CYP7B1: variants seen among roughly 807,000 people sequenced by gnomAD.
CYP7B1 encodes the protein cytochrome P450 7B1.
Under a neutral mutation model 42.7 loss-of-function variants are expected in CYP7B1, and 29 were observed. The ratio of observed to expected loss-of-function variants is 0.68; its 90% CI spans 0.51 to 0.93. The LOEUF (loss-of-function observed/expected upper bound fraction) is 0.93, where lower values mean the gene tolerates loss of function less well. Ranked by LOEUF, CYP7B1 falls within the 40% of genes least tolerant of loss-of-function variation. The pLI, the probability that CYP7B1 is intolerant of heterozygous loss-of-function variation, is 0.00. For synonymous variants in CYP7B1, 235 were observed against 218.2 expected (o/e 1.08, Z -0.68); for missense variants, 655 against 600.5 (o/e 1.09, Z -0.95).
chr8:64,592,949 G>T lies in CYP7B1; in HGVS notation c.*3693C>A, dbSNP rs1490821264. 6.6e-6 allele frequency among the ~76,000 whole-genome samples: 1 copy of T among 152,040 alleles called. No individual in the cohort carries two copies. Among genetic ancestry groups the T allele is most frequent in the Non-Finnish European group, 1.5e-5 (1 of 67,986 alleles). ...ACTGTCACAAGATTCTCAATGTTTTGTTTTGGTTCTACTATTCATTCCTTT... is the reference window on the plus strand; with the variant it reads ...ACTGTCACAAGATTCTCAATGTTTTTTTTTGGTTCTACTATTCATTCCTTT... On this transcript the variant is annotated 3_prime_UTR_variant, in exon 6 of 6. Transcript: ENST00000310193.
intron 1 of CYP7B1, among the ~76,000 whole-genome samples, chr8:64,707,312 T>C (rs1229393529): frequency 1.3e-5 from 2 of 152,112 alleles, no homozygotes; most frequent in Non-Finnish European, 2.9e-5. Flanking sequence ...CCATATCCCC[T>C]GATAAGTGGC....
At chr8:64,609,197 CTTG>C (rs980717791) in intron 4 of CYP7B1, among the ~76,000 whole-genome samples, 2 of 152,250 alleles carry the variant, frequency 1.3e-5, no homozygotes, top group East Asian at 1.9e-4. Context: ...TGGTGTACAA[CTTG>C]TTGTTTGGAA....
At chr8:64,663,614 C>T (rs1046707084) in intron 1 of CYP7B1, among the ~76,000 whole-genome samples, 1 of 152,176 alleles carries the variant, frequency 6.6e-6, no homozygotes, top group African/African-American at 2.4e-5. Flanking sequence ...TACAAGGAAA[C>T]CTTTGCTAGG....
At chr8:64,638,210 T>G (rs1805802370) in intron 1 of CYP7B1, among the ~76,000 whole-genome samples, 1 of 152,166 alleles carries the variant, frequency 6.6e-6, no homozygotes, top group South Asian at 2.1e-4. Flanking sequence ...TTTCTCTTTT[T>G]CATGATGGCG....
At chr8:64,613,704 T>A (rs1343127394) in intron 4 of CYP7B1, among the ~76,000 whole-genome samples, 3 of 152,172 alleles carry the variant, frequency 2.0e-5, no homozygotes, top group South Asian at 2.1e-4. Flanking sequence ...GAGATTTTTT[T>A]AAAAGAAAAT....
intron 1 of CYP7B1, among the ~76,000 whole-genome samples, chr8:64,757,892 C>T (rs578129406): frequency 6.6e-6 from 1 of 152,306 alleles, no homozygotes; most frequent in East Asian, 1.9e-4. Context: ...CTTTGATCCT[C>T]CCATGGGGAC....
At chr8:64,703,607 A>G (rs892601850) in intron 1 of CYP7B1, among the ~76,000 whole-genome samples, 1 of 152,052 alleles carries the variant, frequency 6.6e-6, no homozygotes, top group Non-Finnish European at 1.5e-5. Context: ...ACTACATAAT[A>G]GAAACAGCTG....
At chr8:64,705,568 T>C (rs184611348) in intron 1 of CYP7B1, among the ~76,000 whole-genome samples, 1 of 143,206 alleles carries the variant, frequency 7.0e-6, no homozygotes, top group Admixed American at 6.8e-5. Flanking sequence ...CTTTATCATG[T>C]CCTTTGGTTT....
intron 1 of CYP7B1, among the ~76,000 whole-genome samples, chr8:64,775,234 T>G (rs1009484113): frequency 2.6e-5 from 4 of 152,180 alleles, no homozygotes; most frequent in African/African-American, 4.8e-5. Context: ...GAACTCACTC[T>G]AGGATTCAGC....
chr8:64,600,768 G>A (rs1805190421), intron 5 of CYP7B1, among the ~76,000 whole-genome samples: 1 of 152,128 alleles, frequency 6.6e-6, no homozygotes, highest in Admixed American at 6.5e-5. Context: ...TCAGGGCTCA[G>A]AGCCCTGGTT....
At chr8:64,784,805 G>A (rs968753495) in intron 1 of CYP7B1, among the ~76,000 whole-genome samples, 12 of 151,782 alleles carry the variant, frequency 7.9e-5, no homozygotes, top group African/African-American at 2.7e-4. Context: ...AACACTTTAC[G>A]AAAAAAAGTT....
At chr8:64,604,983 A>G in intron 4 of CYP7B1, 126 bp from the exon 5 acceptor site, 6 of 1,124,848 alleles carry the variant, frequency 5.3e-6, no homozygotes, top group Non-Finnish European at 7.7e-6. Flanking sequence ...CATCACATAC[A>G]TTGAGCACCA....
chr8:64,639,580 T>C (rs1805823763), intron 1 of CYP7B1, among the ~76,000 whole-genome samples: 1 of 152,060 alleles, frequency 6.6e-6, no homozygotes, highest in East Asian at 1.9e-4. Flanking sequence ...CCCACCACAG[T>C]GGCTAAAATA....
chr8:64,598,727 T>C (rs897894743), intron 5 of CYP7B1, among the ~76,000 whole-genome samples: 1 of 152,138 alleles, frequency 6.6e-6, no homozygotes, highest in Non-Finnish European at 1.5e-5. Context: ...TCAGCTAGTG[T>C]TTATATTCAG....
At chr8:64,717,788 G>A (rs374603032) in intron 1 of CYP7B1, among the ~76,000 whole-genome samples, 2 of 151,810 alleles carry the variant, frequency 1.3e-5, no homozygotes, top group East Asian at 1.9e-4. Flanking sequence ...TGGAGGGTAC[G>A]ATAAGGTGAG....
chr8:64,788,754 T>C (rs1340856477), intron 1 of CYP7B1, among the ~76,000 whole-genome samples: 2 of 152,254 alleles, frequency 1.3e-5, no homozygotes, highest in Non-Finnish European at 2.9e-5. Context: ...TTAGAAATTT[T>C]GTGAGGTTTT....
chr8:64,645,188 C>T (rs1483691431), intron 1 of CYP7B1, among the ~76,000 whole-genome samples: 1 of 150,590 alleles, frequency 6.6e-6, no homozygotes, highest in Non-Finnish European at 1.5e-5. Context: ...GGTTCCAAGT[C>T]TTTGCTATTG....
chr8:64,725,010 C>G (rs894208639), intron 1 of CYP7B1, among the ~76,000 whole-genome samples: 10 of 152,226 alleles, frequency 6.6e-5, no homozygotes, highest in Admixed American at 2.6e-4. Context: ...GTTTCCTGCC[C>G]ATTCCAGTGA....
At chr8:64,712,111 C>A (rs982426981) in intron 1 of CYP7B1, among the ~76,000 whole-genome samples, 9 of 152,110 alleles carry the variant, frequency 5.9e-5, no homozygotes, top group African/African-American at 2.2e-4. Flanking sequence ...GAGGCAGGAA[C>A]AACAATAGTA....
Sources: gnomAD v4.1 joint callset for allele counts (sites outside exome capture counted in the v4.1 genomes callset) on GRCh38, gnomAD v4.1.1 for gene constraint, MANE v1.5 for transcripts, NCBI Gene and HGNC (gene_info 2026-07-23, HGNC 2026-07-21) for gene names.